Variants in FREM2 observed in about 807,000 individuals in gnomAD.
FREM2 encodes the protein FRAS1-related extracellular matrix protein 2.
A neutral mutation model predicts 219.9 loss-of-function variants in FREM2; 119 were observed. That is an observed-to-expected ratio of 0.54 (90% CI 0.47 to 0.63). The LOEUF (loss-of-function observed/expected upper bound fraction) is 0.63. Ranked by LOEUF, FREM2 falls within the 30% of genes least tolerant of loss-of-function variation. FREM2 has a pLI of 0.00. For missense variants in FREM2, 4,030 were observed against 3,993.6 expected (o/e 1.01, Z -0.25); for synonymous variants, 1,562 against 1,522.8 (o/e 1.03, Z -0.60).
At chr13:38,819,039 G>A (rs1285819692) in intron 6 of FREM2, among the ~76,000 whole-genome samples, 1 of 152,070 alleles carries the variant, frequency 6.6e-6, no homozygotes, top group African/African-American at 2.4e-5. Context: ...ATAAATATGG[G>A]AAATTACAGA....
At chr13:38,780,121 A>G (rs1361514657) in intron 4 of FREM2, among the ~76,000 whole-genome samples, 2 of 152,304 alleles carry the variant, frequency 1.3e-5, no homozygotes, top group East Asian at 3.9e-4. Flanking sequence ...ACTGACATCC[A>G]TGATTCTATA....
intron 16 of FREM2, among the ~76,000 whole-genome samples, chr13:38,870,251 A>G (rs999506950): frequency 6.6e-6 from 1 of 152,114 alleles, no homozygotes; most frequent in Non-Finnish European, 1.5e-5. Context: ...GCCACTCTCA[A>G]TTATTTTGCA....
At chr13:38,867,832 C>A (rs1450007243) in intron 16 of FREM2, among the ~76,000 whole-genome samples, 5 of 152,158 alleles carry the variant, frequency 3.3e-5, no homozygotes, top group African/African-American at 9.7e-5. Flanking sequence ...TTTTCTTTTC[C>A]TTTTTTGTCT....
chr13:38,830,131 A>G (rs540029960), intron 6 of FREM2, among the ~76,000 whole-genome samples: 3 of 152,302 alleles, frequency 2.0e-5, no homozygotes, highest in East Asian at 3.9e-4. Context: ...TTTCTTAGCC[A>G]GATAATTTTA....
intron 6 of FREM2, among the ~76,000 whole-genome samples, chr13:38,800,441 C>T (rs531046158): frequency 6.6e-6 from 1 of 152,128 alleles, no homozygotes; most frequent in South Asian, 2.1e-4. Context: ...ATGGGAGTTC[C>T]TTTATAGGTG....
intron 2 of FREM2, among the ~76,000 whole-genome samples, chr13:38,731,172 A>G (rs949530949): frequency 1.2e-4 from 18 of 152,214 alleles, no homozygotes; most frequent in Admixed American, 1.1e-3. Flanking sequence ...TGCAAAGTCT[A>G]TGTGAACTTC....
chr13:38,875,164 T>G (rs1201364345), intron 18 of FREM2, among the ~76,000 whole-genome samples: 1 of 67,158 alleles, frequency 1.5e-5, no homozygotes, highest in Non-Finnish European at 2.9e-5. Context: ...TTTGTTTTTT[T>G]TTAACAAGGA....
At chr13:38,783,472 A>T (rs1874202603) in intron 5 of FREM2, among the ~76,000 whole-genome samples, 1 of 37,116 alleles carries the variant, frequency 2.7e-5, no homozygotes, top group East Asian at 4.0e-4. Flanking sequence ...GGGTTACTAT[A>T]TAAAAAAAAA....
chr13:38,787,040 A>G (rs572815221), intron 6 of FREM2, among the ~76,000 whole-genome samples: 46 of 152,268 alleles, frequency 3.0e-4, no homozygotes, highest in African/African-American at 1.1e-3. Flanking sequence ...ACATTTTACT[A>G]TTGTCAGTGT....
rs538238194 is a variant in FREM2 at position 38,851,734 on chromosome 13, A to G, written c.6791A>G (p.Lys2264Arg). 6.2e-6 allele frequency: 10 copies of G among 1,613,598 alleles called. No homozygotes were observed. In the African/African-American group the frequency reaches 1.3e-4, roughly 22 times the overall value. The change falls in exon 11 of 24, where the codon AAA becomes AGA. Residue 2264 changes from lysine to arginine, a missense_variant. Physicochemically the swap from Lys to Arg is conservative, Grantham distance 26 (BLOSUM62 2). This residue lies in a region of FREM2 where 3,102 missense variants were observed against 2,950.7 expected (regional missense o/e 1.05). Coordinates refer to ENST00000280481, the MANE Select transcript of FREM2 (RefSeq NM_207361.6). Reference sequence around the variant, plus strand: ...ACCAAATTTAGTGTCACTGAACCCAAAGAACCTGGAGAGTCGGTGGTTATA... The same window carrying G: ...ACCAAATTTAGTGTCACTGAACCCAGAGAACCTGGAGAGTCGGTGGTTATA... ...GETKFSVTEP[K>R]EPGESVVIRI...
intron 4 of FREM2, among the ~76,000 whole-genome samples, chr13:38,773,319 G>C (rs898570480): frequency 6.6e-6 from 1 of 151,912 alleles, no homozygotes; most frequent in African/African-American, 2.4e-5. Flanking sequence ...ATGGCTCTGC[G>C]ATCAATAGAG....
intron 2 of FREM2, among the ~76,000 whole-genome samples, chr13:38,726,102 G>A (rs560722406): frequency 7.1e-4 from 108 of 152,318 alleles, no homozygotes; most frequent in Middle Eastern, 6.8e-3. Flanking sequence ...AGGCACCGGT[G>A]TTGGTTAGGA....
chr13:38,740,643 C>T (rs1357334682), intron 2 of FREM2, among the ~76,000 whole-genome samples: 7 of 152,066 alleles, frequency 4.6e-5, no homozygotes, highest in South Asian at 4.1e-4. Flanking sequence ...CCTGTCATGA[C>T]GAAAAATTTA....
chr13:38,714,567 T>G (rs1432970109), intron 2 of FREM2, among the ~76,000 whole-genome samples: 1 of 152,150 alleles, frequency 6.6e-6, no homozygotes, highest in East Asian at 1.9e-4. Context: ...TTTGTATTCT[T>G]AAAGATTACT....
intron 18 of FREM2, among the ~76,000 whole-genome samples, chr13:38,875,476 A>C (rs1878310828): frequency 6.6e-6 from 1 of 152,190 alleles, no homozygotes; most frequent in South Asian, 2.1e-4. Flanking sequence ...AGTTCTGGAA[A>C]ATGAGGATTT....
chr13:38,846,677 A>G lies in FREM2; in HGVS notation c.6124A>G (p.Ser2042Gly), dbSNP rs369095632. The G allele has an allele frequency of 3.1e-6, 5 of 1,613,704 alleles. No individual in the cohort carries two copies. The highest frequency in any genetic ancestry group is 2.2e-5 in the East Asian group (1 of 44,872). Residue 2042 changes from serine to glycine, a missense_variant, in exon 7 of 24, where the codon AGT (serine) becomes GGT (glycine). By Grantham distance (56) the Ser-to-Gly change is moderately conservative (BLOSUM62 0). This residue lies in a region of FREM2 where 3,102 missense variants were observed against 2,950.7 expected (regional missense o/e 1.05). Transcript: ENST00000280481. ...RTGTDLSKSS[S>G]VTVRSRKTDP... Reference sequence around the variant, plus strand: ...GGGCACTGACCTGTCCAAGTCTTCTAGTGTCACAGTGAGGTCTCGGAAAAC... The same window carrying G: ...GGGCACTGACCTGTCCAAGTCTTCTGGTGTCACAGTGAGGTCTCGGAAAAC...
In FREM2 at chr13:38,876,165, T is replaced by G. The variant is rs1021947727; in HGVS notation, c.8409+16T>G. On this transcript the variant is annotated intron_variant, in intron 19 of 23. Coordinates refer to ENST00000280481, the MANE Select transcript of FREM2 (RefSeq NM_207361.6). ...TGACTTTGCCGTAAGTGACTAAGAC[T>G]CTTAATTAATTTTCTTCTGCTGCTG... 1.9e-6 allele frequency: 3 copies of G among 1,613,944 alleles called. No individual in the cohort carries two copies. Among genetic ancestry groups the G allele is most frequent in the African/African-American group, 2.7e-5 (2 of 74,880 alleles).
At position 38,828,902 on chromosome 13, in the gene FREM2, A is replaced by G. The variant is rs1479259770; in HGVS notation, c.6020-17671A>G. On this transcript the variant is annotated intron_variant, in intron 6 of 23. Coordinates refer to ENST00000280481, the MANE Select transcript of FREM2 (RefSeq NM_207361.6). ...GGTTTCAGATTTTTTTTCTAATCAC[A>G]TAAGTGCTGTAGTACATATCCTTTT... Among the ~76,000 whole-genome samples the G allele has an allele frequency of 4.0e-4, 61 of 152,202 alleles. 1 individual carries two copies. The highest frequency in any genetic ancestry group is 3.6e-3 in the Admixed American group (55 of 15,268).
intron 4 of FREM2, chr13:38,779,470 C>T (rs1375477925): frequency 1.3e-5 from 2 of 151,836 alleles, no homozygotes; most frequent in Non-Finnish European, 2.9e-5. Context: ...TTAGCACGGC[C>T]CCTGTGCAAG....
Sources: allele counts gnomAD v4.1 joint callset (sites outside exome capture counted in the v4.1 genomes callset), GRCh38; gene constraint gnomAD v4.1.1; regional missense constraint gnomAD v4.1.1; transcripts MANE v1.5; gene names NCBI Gene and HGNC (gene_info 2026-07-23, HGNC 2026-07-21).